The following TACC2 variants were observed in gnomAD, a reference collection of about 807,000 sequenced individuals.
TACC2 encodes the protein transforming acidic coiled-coil containing protein 2.
Under a neutral mutation model 227.3 loss-of-function variants are expected in TACC2, and 137 were observed. The observed-to-expected ratio is 0.60, with a 90% CI of 0.52 to 0.69. The LOEUF is 0.69. Ranked by LOEUF, TACC2 falls within the 30% of genes least tolerant of loss-of-function variation. The pLI, the probability that TACC2 is intolerant of heterozygous loss-of-function variation, is 0.00. For missense variants in TACC2, 3,470 were observed against 3,694.4 expected, an observed-to-expected ratio of 0.94 and a Z score of 1.57; for synonymous variants, 1,523 against 1,487.5, an observed-to-expected ratio of 1.02 and a Z score of -0.55.
chr10:122,017,422 G>A (rs1956798499), intron 1 of TACC2, among the ~76,000 whole-genome samples: 1 of 151,900 alleles, frequency 6.6e-6, no homozygotes, highest in Admixed American at 6.6e-5. Context: ...TCCTTCCTTT[G>A]CCAGGGCTTT....
intron 5 of TACC2, among the ~76,000 whole-genome samples, chr10:122,105,758 T>C (rs534508017): frequency 3.2e-4 from 49 of 151,942 alleles, no homozygotes; most frequent in Non-Finnish European, 6.3e-4. Context: ...GTAGCTGGGA[T>C]TACAGGTGCC....
chr10:122,126,466 C>T (rs2086901263), intron 5 of TACC2, among the ~76,000 whole-genome samples: 1 of 152,164 alleles, frequency 6.6e-6, no homozygotes, highest in African/African-American at 2.4e-5. Flanking sequence ...TGCATGTGTG[C>T]ACACAGCCCT....
At chr10:122,206,910 G>A (rs76329007) in intron 8 of TACC2, among the ~76,000 whole-genome samples, 8,873 of 152,208 alleles carry the variant, frequency 0.058, 763 homozygotes, top group African/African-American at 0.19. Context: ...AGGCACCCCA[G>A]GTTATTTGTG....
In TACC2 at chr10:122,085,528, G is replaced by C. The variant is rs1435639179; in HGVS notation, c.3028G>C (p.Ala1010Pro). 2 of 1,613,438 alleles carry C rather than the reference G, an allele frequency of 1.2e-6. No homozygotes were observed. Among genetic ancestry groups the C allele is most frequent in the South Asian group, 1.1e-5 (1 of 91,084 alleles). The change falls in exon 4 of 23, where the codon GCA becomes CCA. Residue 1010 changes from alanine to proline, a missense_variant. Ala to Pro is a conservative substitution (Grantham distance 27). Around this residue, in one of 10 missense-constraint regions of TACC2, gnomAD observed 1,924 missense variants for 1,978.3 expected, o/e 0.97. Transcript: ENST00000369005. ...GGAAGAAGGCAGCCAGCATGAAGAA[G>C]CATGTCAAAGGCATCCAGGAGCTTC... is the stretch of plus-strand genomic sequence containing the variant. ...ALEEGSQHEE[A>P]CQRHPGASEA...
chr10:122,022,040 G>C, intron 2 of TACC2, 26 bp downstream of exon 2: 1 of 1,613,622 alleles, frequency 6.2e-7, no homozygotes. Context: ...CTTCTCTCTC[G>C]AGCTACGTGG....
chr10:122,015,615 G>T (rs571871624), intron 1 of TACC2, among the ~76,000 whole-genome samples: 16 of 152,174 alleles, frequency 1.1e-4, no homozygotes, highest in Admixed American at 1.0e-3. Context: ...ACTTTGGGAG[G>T]TTGAGGTGGG....
At chr10:122,171,908 C>T (rs1223193763) in intron 7 of TACC2, among the ~76,000 whole-genome samples, 1 of 152,126 alleles carries the variant, frequency 6.6e-6, no homozygotes, top group Non-Finnish European at 1.5e-5. Context: ...TTTTTCTTTT[C>T]TGTCTCCATA....
intron 5 of TACC2, among the ~76,000 whole-genome samples, chr10:122,104,626 C>T (rs1052401696): frequency 6.6e-6 from 1 of 152,194 alleles, no homozygotes; most frequent in Non-Finnish European, 1.5e-5. Context: ...CTGCCTTGGC[C>T]TCCCAAAGTG....
At chr10:122,170,263 CTTTTTT>C (rs34194262) in intron 7 of TACC2, among the ~76,000 whole-genome samples, 1 of 63,214 alleles carries the variant, frequency 1.6e-5, no homozygotes, top group East Asian at 6.4e-4. Context: ...ATGATCAAGT[CTTTTTT>C]TTTTTTTTTT....
chr10:122,090,633 G>T (rs1469269295), intron 5 of TACC2, among the ~76,000 whole-genome samples: 1 of 151,020 alleles, frequency 6.6e-6, no homozygotes, highest in Non-Finnish European at 1.5e-5. Flanking sequence ...TTATTATTGC[G>T]TATTTTAGTA....
chr10:122,181,593 C>T (rs2093972394), intron 7 of TACC2, among the ~76,000 whole-genome samples: 1 of 152,206 alleles, frequency 6.6e-6, no homozygotes, highest in Admixed American at 6.5e-5. Flanking sequence ...AAGTTACTCA[C>T]CTCTCATGAA....
chr10:122,184,803 T>G (rs532650573), intron 7 of TACC2, among the ~76,000 whole-genome samples: 32 of 152,042 alleles, frequency 2.1e-4, no homozygotes, highest in Admixed American at 3.9e-4. Flanking sequence ...ATTTGCTGGG[T>G]TTTTTTTCCT....
At chr10:121,992,407 C>G in intron 1 of TACC2, among the ~76,000 whole-genome samples, 1 of 152,158 alleles carries the variant, frequency 6.6e-6, no homozygotes, top group Admixed American at 6.5e-5. Flanking sequence ...CTTTTTCCAA[C>G]AGGAAAATTT....
At chr10:122,221,104 A>G (rs1320616281) in intron 11 of TACC2, among the ~76,000 whole-genome samples, 1 of 152,240 alleles carries the variant, frequency 6.6e-6, no homozygotes, top group Non-Finnish European at 1.5e-5. Context: ...CCTGAATGTA[A>G]CTAGGTTAGA....
chr10:122,124,469 A>C (rs2086442123), intron 5 of TACC2, among the ~76,000 whole-genome samples: 1 of 152,068 alleles, frequency 6.6e-6, no homozygotes, highest in African/African-American at 2.4e-5. Flanking sequence ...CTGCGTTTAA[A>C]TCTCTCATGT....
At chr10:122,107,180 A>G (rs1236495964) in intron 5 of TACC2, among the ~76,000 whole-genome samples, 1 of 152,224 alleles carries the variant, frequency 6.6e-6, no homozygotes, top group Non-Finnish European at 1.5e-5. Flanking sequence ...GCAACCAATA[A>G]TGCTGGCCAT....
chr10:122,030,667 T>C (rs1483780921), intron 2 of TACC2, among the ~76,000 whole-genome samples: 1 of 151,280 alleles, frequency 6.6e-6, no homozygotes, highest in Non-Finnish European at 1.5e-5. Context: ...TTTTCACTTC[T>C]CCAACCTCAG....
intron 7 of TACC2, among the ~76,000 whole-genome samples, chr10:122,171,431 T>C (rs1406891387): frequency 2.0e-5 from 3 of 152,104 alleles, no homozygotes; most frequent in Non-Finnish European, 4.4e-5. Context: ...TCTGTGTCCT[T>C]ATGGGGCCGA....
chr10:122,186,585 C>T (rs760063945), intron 7 of TACC2, among the ~76,000 whole-genome samples: 17,966 of 152,194 alleles, frequency 0.12, 3,298 homozygotes, highest in African/African-American at 0.39. Flanking sequence ...ATGATCTCTG[C>T]TCACTGCAAC....
Sources: gnomAD v4.1 joint callset for allele counts (sites outside exome capture counted in the v4.1 genomes callset) on GRCh38, gnomAD v4.1.1 for gene constraint, gnomAD v4.1.1 regional missense constraint, MANE v1.5 for transcripts, NCBI Gene and HGNC (gene_info 2026-07-23, HGNC 2026-07-21) for gene names.